GRTP1: variants seen among roughly 807,000 people sequenced by gnomAD.
GRTP1 encodes the protein growth hormone regulated TBC protein 1.
In GRTP1, 56 loss-of-function variants were observed where a neutral mutation model predicts 38.1. That is an observed-to-expected ratio of 1.47 (90% CI 1.19 to 1.84). GRTP1 has a LOEUF of 1.84. Among genes scored for constraint, GRTP1 ranks in the 40% most tolerant of loss-of-function variants. The pLI is 0.00. For missense variants in GRTP1, 506 were observed against 453.9 expected (o/e 1.11, Z -1.04); for synonymous variants, 217 against 189.5 (o/e 1.14, Z -1.19).
In GRTP1 at chr13:113,324,495, T is replaced by C; in HGVS notation, c.1004A>G (p.Gln335Arg). 1 of 1,609,108 alleles carries C rather than the reference T, an allele frequency of 6.2e-7. No individual in the cohort carries two copies. The highest frequency in any genetic ancestry group is 2.2e-5 in the East Asian group (1 of 44,696). ...CGCAGGGGACAGGCACGCTCACCCCTGTGCCAGCAGCCGGGCCCTGCAGCT... is the reference window on the plus strand; with the variant it reads ...CGCAGGGGACAGGCACGCTCACCCCCGTGCCAGCAGCCGGGCCCTGCAGCT... ...RESCRARLLA[Q>R]G The change falls in exon 8 of 8, where the codon CAG becomes CGG. Residue 335 changes from glutamine (Q) to arginine (R), a missense_variant. Coordinates refer to ENST00000375431, the MANE Select transcript of GRTP1 (RefSeq NM_024719.4).
intron 4 of GRTP1, among the ~76,000 whole-genome samples, chr13:113,346,017 T>TGA (rs1232122398): frequency 1.4e-4 from 12 of 86,840 alleles, no homozygotes; most frequent in East Asian, 3.5e-4. Flanking sequence ...CCTCTGCGGC[T>TGA]GAGCAGACCT....
At chr13:113,347,519 C>G (rs75036670) in intron 4 of GRTP1, among the ~76,000 whole-genome samples, 641 of 33,230 alleles carry the variant, frequency 0.019, 30 homozygotes, top group Middle Eastern at 0.12. Flanking sequence ...GACCCAGGAG[C>G]ACCTCTGTGG....
Position 113,325,839 on chromosome 13 carries a change from A to T in GRTP1, c.743T>A (p.Leu248His), listed in dbSNP as rs201928660. 284 of 1,613,952 alleles carry T rather than the reference A, an allele frequency of 1.8e-4. No homozygotes were observed. The highest frequency in any genetic ancestry group is 1.1e-3 in the Admixed American group (63 of 59,988). ...FVDILPVETV[L>H]RIWDCLFNEG... Reference sequence around the variant, plus strand: ...GTTAAACAAACAGTCCCAGATCCGAAGCACTGTCTGCAGAGACATGGGAAC... The same window carrying T: ...GTTAAACAAACAGTCCCAGATCCGATGCACTGTCTGCAGAGACATGGGAAC... The change falls in exon 7 of 8, where the codon CTT becomes CAT. Residue 248 changes from leucine to histidine, a missense_variant. By Grantham distance (99) the Leu-to-His change is moderately conservative. Transcript: ENST00000375431.
rs2139495865 is a variant in GRTP1, at chr13:113,350,776, C to CT, written c.465+72dup. ...GGTTGACAGAGACGTGAGGCCGTCA[C>CT]TGCCGAGCCTGCAGCTGTGGACAGA... On this transcript the variant is annotated intron_variant, in intron 4 of 7. Transcript: ENST00000375431. The CT allele has an allele frequency of 4.4e-6, 6 of 1,377,114 alleles. No homozygotes were observed. In the South Asian group the frequency reaches 8.9e-5, roughly 20 times the overall value. The allele number at this position is 1,377,114 out of a possible 1,614,324, so 85.3% of individuals were successfully genotyped here.
At chr13:113,324,937 G>A (rs958650283) in intron 7 of GRTP1, 40 of 574,706 alleles carry the variant, frequency 7.0e-5, no homozygotes, top group African/African-American at 6.2e-4. Flanking sequence ...AGTGATTCTC[G>A]TGCCTCAGCC....
In GRTP1 at chr13:113,349,917, TCC is replaced by T; in HGVS notation, c.465+930_465+931del. Among the ~76,000 whole-genome samples the T allele has an allele frequency of 1.4e-5, 1 of 69,164 alleles. No individual in the cohort carries two copies. Among genetic ancestry groups the T allele is most frequent in the Non-Finnish European group, 2.9e-5 (1 of 34,880 alleles). The allele number at this position is 69,164 out of a possible 152,430, so 45.4% of individuals were successfully genotyped here. A position where few individuals can be genotyped will look rare whatever the true frequency, so the allele number is the denominator to read the frequency against. On this transcript the variant is annotated intron_variant, in intron 4 of 7. Transcript: ENST00000375431. This position sits in a 1 kb window ranked among gnomAD's most constrained non-coding sequence, Gnocchi z 5.0. ...ATCGCGACGATGTCCTTCCCTGTCC[TCC>T]TAGAAACGTTTAAGCCAGCCACAAC...
In GRTP1 at chr13:113,350,881, C is replaced by T. The variant is rs1245301496; in HGVS notation, c.433G>A (p.Gly145Arg). The T allele has an allele frequency of 6.3e-7, 1 of 1,592,982 alleles. No individual in the cohort carries two copies. The highest frequency in any genetic ancestry group is 1.7e-5 in the Admixed American group (1 of 58,990). Residue 145 changes from glycine to arginine, a missense_variant, in exon 4 of 8, where the codon GGG (glycine) becomes AGG (arginine). Gly to Arg is a moderately radical substitution (Grantham distance 125). Transcript: ENST00000375431. ...TAGCCCACTCCCTGGTTATGGTGCC[C>T]ATATGCCAGCAGCACATTGTACAGG... is the stretch of plus-strand genomic sequence containing the variant. ...RTLYNVLLAY[G>R]HHNQGVGYCQ... is the part of the protein sequence containing the mutation.
chr13:113,328,985 C>G (rs2042816665), intron 5 of GRTP1, among the ~76,000 whole-genome samples: 2 of 150,208 alleles, frequency 1.3e-5, no homozygotes, highest in East Asian at 1.9e-4. Flanking sequence ...GTTCCCTTCC[C>G]TGCCCAGAAG....
rs2043364082 is a variant in GRTP1 at position 113,355,334 on chromosome 13, G to A, written c.329C>T (p.Ala110Val). ...QGERNPRLED[A>V]IRTDLNRTFP... ...CCCCACCGCCTCACCTGTCCTGATG[G>A]CGTCCTCCAGCCTGGGGTTTCTCTC... The change falls in exon 3 of 8, where the codon GCC becomes GTC. Residue 110 changes from alanine (A) to valine (V), a missense_variant. Ala to Val is a moderately conservative substitution (Grantham distance 64). Coordinates refer to ENST00000375431, the MANE Select transcript of GRTP1 (RefSeq NM_024719.4). 1 of 1,613,894 alleles carries A rather than the reference G, an allele frequency of 6.2e-7. No individual in the cohort carries two copies. Among genetic ancestry groups the A allele is most frequent in the South Asian group, 1.1e-5 (1 of 91,082 alleles).
chr13:113,338,801 C>A lies in GRTP1; in HGVS notation c.562+6062G>T, dbSNP rs1353264039. On this transcript the variant is annotated intron_variant, in intron 5 of 7. Coordinates refer to ENST00000375431, the MANE Select transcript of GRTP1 (RefSeq NM_024719.4). ...CCTTCATGCTCACCAGGGAGCTCAG[C>A]CATGGGTTCACAGGTCTGCTGGCCA... Among the ~76,000 whole-genome samples the A allele has an allele frequency of 2.0e-5, 3 of 152,204 alleles. No individual in the cohort carries two copies. In the East Asian group the frequency reaches 5.8e-4, roughly 29 times the overall value.
chr13:113,355,214 A>T (rs1386417991), intron 3 of GRTP1, 109 bp downstream of exon 3: 2 of 1,092,000 alleles, frequency 1.8e-6, no homozygotes, highest in Admixed American at 2.4e-5. Flanking sequence ...TCAAGTTAAA[A>T]GCAGCAGGCG....
chr13:113,325,940 A>C lies in GRTP1; in HGVS notation c.714T>G (p.Phe238Leu), dbSNP rs1449816581. 3.7e-6 allele frequency: 6 copies of C among 1,613,766 alleles called. No homozygotes were observed. Among genetic ancestry groups the C allele is most frequent in the African/African-American group, 2.7e-5 (2 of 74,864 alleles). Residue 238 changes from phenylalanine to leucine, a missense_variant, in exon 6 of 8, where the codon TTT becomes TTG. By Grantham distance (22) the Phe-to-Leu change is conservative. Transcript: ENST00000375431. ...LLVSRWFICLFVDILPVETVL... is the reference protein window; with the variant it reads ...LLVSRWFICLLVDILPVETVL... ...TCACCTCCACGGGCAAGATGTCCAC[A>C]AACAGGCAGATGAACCAGCGGGACA... is the stretch of plus-strand genomic sequence containing the variant.
intron 5 of GRTP1, among the ~76,000 whole-genome samples, chr13:113,331,647 AC>A (rs2042872571): frequency 3.9e-5 from 3 of 76,206 alleles, no homozygotes; most frequent in Admixed American, 1.2e-4. Context: ...TGTTTGGTTT[AC>A]TTTTTTTTTT....
rs912186985 is a variant in GRTP1, at chr13:113,343,827, C to A, written c.562+1036G>T. 6.6e-6 allele frequency among the ~76,000 whole-genome samples: 1 copy of A among 152,242 alleles called. No homozygotes were observed. Among genetic ancestry groups the A allele is most frequent in the Admixed American group, 6.5e-5 (1 of 15,298 alleles). On this transcript the variant is annotated intron_variant, in intron 5 of 7. Coordinates refer to ENST00000375431, the MANE Select transcript of GRTP1 (RefSeq NM_024719.4). This position sits in a 1 kb window ranked among gnomAD's most constrained non-coding sequence, Gnocchi z 4.8. ...TCTCCTCTGCCCTGCAGGATGAGCA[C>A]GCAGCCCCCTTGACCCAGCACCACA...
Position 113,350,847 on chromosome 13 carries a change from A to G in GRTP1, c.465+2T>C, listed in dbSNP as rs754672183. ...ATGGCGTCAGAGGGTCCCGAGGCTC[A>G]CCTGGCAGTAGCCCACTCCCTGGTT... On this transcript the variant is annotated splice_donor_variant, in intron 4 of 7. Coordinates refer to ENST00000375431, the MANE Select transcript of GRTP1 (RefSeq NM_024719.4). LOFTEE classifies it high-confidence loss of function. 1.3e-6 allele frequency: 2 copies of G among 1,566,130 alleles called. No homozygotes were observed. The highest frequency in any genetic ancestry group is 1.7e-6 in the Non-Finnish European group (2 of 1,148,124).
chr13:113,347,545 A>T (rs2139478174), intron 4 of GRTP1, among the ~76,000 whole-genome samples: 1 of 79,830 alleles, frequency 1.3e-5, no homozygotes, highest in East Asian at 2.5e-4. Flanking sequence ...CGGATCCGGG[A>T]GGACCTCTGT....
chr13:113,332,164 T>C (rs1342913221), intron 5 of GRTP1, among the ~76,000 whole-genome samples: 1 of 151,984 alleles, frequency 6.6e-6, no homozygotes, highest in Non-Finnish European at 1.5e-5. Context: ...CACATCCCCA[T>C]CAGATTCCCT....
At chr13:113,328,356 C>CA (rs2042806713) in intron 5 of GRTP1, among the ~76,000 whole-genome samples, 1 of 152,206 alleles carries the variant, frequency 6.6e-6, no homozygotes, top group Non-Finnish European at 1.5e-5. Context: ...AAGACGGTGG[C>CA]CACAGGCGTC....
chr13:113,352,619 G>A (rs970453339), intron 3 of GRTP1, among the ~76,000 whole-genome samples: 6 of 151,784 alleles, frequency 4.0e-5, no homozygotes, highest in Non-Finnish European at 8.8e-5. Flanking sequence ...CAACTAATCC[G>A]CCTGCCTCAG....
Sources: gnomAD v4.1 joint callset for allele counts (sites outside exome capture counted in the v4.1 genomes callset) on GRCh38, gnomAD v4.1.1 for gene constraint, Gnocchi (gnomAD v3.1) non-coding constraint, MANE v1.5 for transcripts, NCBI Gene and HGNC (gene_info 2026-07-23, HGNC 2026-07-21) for gene names.